RABEPK: variants seen among roughly 807,000 people sequenced by gnomAD.
RABEPK encodes 40 kDa Rab9 effector protein.
Under a neutral mutation model 34.1 loss-of-function variants are expected in RABEPK, and 27 were observed. The ratio of observed to expected loss-of-function variants is 0.79; its 90% CI spans 0.58 to 1.09. The LOEUF (loss-of-function observed/expected upper bound fraction) is 1.09. RABEPK is among the 50% of genes least tolerant of loss of function. The pLI is 0.00. For synonymous variants in RABEPK, 172 were observed against 169.2 expected (o/e 1.02, Z -0.13); for missense variants, 449 against 462.6 (o/e 0.97, Z 0.27).
intron 5 of RABEPK, among the ~76,000 whole-genome samples, chr9:125,224,739 C>T (rs996700716): frequency 1.3e-5 from 2 of 152,126 alleles, no homozygotes; most frequent in African/African-American, 4.8e-5. Flanking sequence ...CAGTCATAAG[C>T]CACTGCGCCC....
chr9:125,232,085 GAC>G, intron 6 of RABEPK, among the ~76,000 whole-genome samples: 1 of 151,790 alleles, frequency 6.6e-6, no homozygotes, highest in South Asian at 2.1e-4. Flanking sequence ...TTTTAGTAGA[GAC>G]GGGGTTTCTC....
intron 5 of RABEPK, among the ~76,000 whole-genome samples, chr9:125,223,725 TAAA>T (rs35661565): frequency 0.6 from 72,018 of 119,076 alleles, 21,109 homozygotes; most frequent in African/African-American, 0.7. Flanking sequence ...ACCCTGACTC[TAAA>T]AAAAAAAAAA....
chr9:125,223,455 C>CA (rs1188924873), intron 5 of RABEPK, among the ~76,000 whole-genome samples: 2 of 151,646 alleles, frequency 1.3e-5, no homozygotes, highest in African/African-American at 2.4e-5. Flanking sequence ...GGCTCTGTCT[C>CA]AAAAAAATAA....
intron 4 of RABEPK, among the ~76,000 whole-genome samples, chr9:125,216,109 A>T (rs189530086): frequency 1.3e-5 from 2 of 152,282 alleles, no homozygotes; most frequent in Non-Finnish European, 2.9e-5. Context: ...CCTGGCCAAC[A>T]TGGTGAAACC....
intron 3 of RABEPK, among the ~76,000 whole-genome samples, chr9:125,210,427 A>T (rs1479387512): frequency 7.2e-6 from 1 of 139,156 alleles, no homozygotes; most frequent in African/African-American, 2.7e-5. Context: ...AAAAAAAAGG[A>T]AATGATTATT....
Position 125,207,735 on chromosome 9 carries a change from C to T in RABEPK, c.211+14C>T, listed in dbSNP as rs1426841327. ...CCATGGATCTGGGTAAGATCAGCAG[C>T]TGCAGAGTACATGCCCTATGGCCAG... is the stretch of plus-strand genomic sequence containing the variant. On this transcript the variant is annotated intron_variant, in intron 3 of 7. Coordinates refer to ENST00000373538, the MANE Select transcript of RABEPK (RefSeq NM_005833.4). 4 of 1,613,874 alleles carry T rather than the reference C, an allele frequency of 2.5e-6. No individual in the cohort carries two copies. Among genetic ancestry groups the T allele is most frequent in the Middle Eastern group, 1.7e-4 (1 of 6,038 alleles).
intron 6 of RABEPK, among the ~76,000 whole-genome samples, chr9:125,231,882 C>T (rs906327365): frequency 6.8e-6 from 1 of 147,722 alleles, no homozygotes; most frequent in African/African-American, 2.5e-5. Flanking sequence ...TACAAAATCG[C>T]TAAGGAACTG....
chr9:125,208,538 TA>T (rs998585131), intron 3 of RABEPK, among the ~76,000 whole-genome samples: 4 of 150,446 alleles, frequency 2.7e-5, no homozygotes, highest in South Asian at 2.1e-4. Flanking sequence ...CATGCCCAGC[TA>T]ATTTTTTTTT....
At chr9:125,229,344 A>G (rs1832016274) in intron 6 of RABEPK, among the ~76,000 whole-genome samples, 2 of 152,130 alleles carry the variant, frequency 1.3e-5, no homozygotes, top group South Asian at 2.1e-4. Context: ...GAGGCAGGAG[A>G]ATCGCTGGAA....
At chr9:125,208,243 T>G (rs1381377035) in intron 3 of RABEPK, among the ~76,000 whole-genome samples, 1 of 152,204 alleles carries the variant, frequency 6.6e-6, no homozygotes, top group Admixed American at 6.6e-5. Flanking sequence ...GAGAGAACCC[T>G]TATGGAGCCC....
At chr9:125,207,294 T>A (rs771066789) in intron 2 of RABEPK, among the ~76,000 whole-genome samples, 2 of 152,060 alleles carry the variant, frequency 1.3e-5, no homozygotes, top group African/African-American at 2.4e-5. Context: ...TGGAGGTCAG[T>A]TTCCCTATCT....
At chr9:125,201,407 CAGA>C (rs1829895484) in intron 1 of RABEPK, among the ~76,000 whole-genome samples, 1 of 152,182 alleles carries the variant, frequency 6.6e-6, no homozygotes, top group South Asian at 2.1e-4. Context: ...AGCTCAACAG[CAGA>C]AGGCCTTACT....
At chr9:125,202,957 T>A (rs1013612497) in intron 1 of RABEPK, 51 bp from the exon 2 acceptor site, 5 of 1,463,390 alleles carry the variant, frequency 3.4e-6, no homozygotes, top group Non-Finnish European at 4.8e-6. Flanking sequence ...TTGAATTGAT[T>A]AAGATGATAA....
At chr9:125,213,588 T>C (rs777628641) in intron 4 of RABEPK, 66 bp downstream of exon 4, 171 of 1,238,200 alleles carry the variant, frequency 1.4e-4, no homozygotes, top group Non-Finnish European at 1.7e-4. Context: ...CACACACACA[T>C]ATATATAAAT....
intron 1 of RABEPK, among the ~76,000 whole-genome samples, 196 bp from the exon 2 acceptor site, chr9:125,202,812 G>A (rs575201213): frequency 7.2e-5 from 11 of 152,034 alleles, no homozygotes; most frequent in African/African-American, 2.7e-4. Flanking sequence ...CCTGGGCAAC[G>A]AGAGCTAAAC....
intron 5 of RABEPK, chr9:125,221,093 G>A (rs1031408018): frequency 1.3e-5 from 2 of 153,656 alleles, no homozygotes; most frequent in African/African-American, 2.4e-5. Flanking sequence ...CCCAGGAGGA[G>A]GAAGTTTCAG....
Position 125,234,123 on chromosome 9 carries a change from T to G in RABEPK, c.*143T>G. On this transcript the variant is annotated 3_prime_UTR_variant, in exon 8 of 8. Coordinates refer to ENST00000373538, the MANE Select transcript of RABEPK (RefSeq NM_005833.4). ...TAGGTGAAGAAACTAATGCAAATAA[T>G]TCTTATGTGCACTAAACCTTGCTAT... The G allele has an allele frequency of 3.4e-6, 3 of 875,870 alleles. No homozygotes were observed. The highest frequency in any genetic ancestry group is 5.3e-6 in the Non-Finnish European group (3 of 565,498). 54.3% of individuals were successfully genotyped at this position (875,870 alleles called of 1,614,324 possible).
chr9:125,230,321 C>G (rs1832077839), intron 6 of RABEPK, among the ~76,000 whole-genome samples: 1 of 152,072 alleles, frequency 6.6e-6, no homozygotes, highest in African/African-American at 2.4e-5. Context: ...TTGCTCCAGA[C>G]TACAAGAACT....
chr9:125,213,986 G>T (rs901849537), intron 4 of RABEPK, among the ~76,000 whole-genome samples: 25 of 152,128 alleles, frequency 1.6e-4, no homozygotes, highest in African/African-American at 6.0e-4. Flanking sequence ...GCTGGGTGTA[G>T]TGGTGGGCGC....
Sources: allele counts gnomAD v4.1 joint callset (sites outside exome capture counted in the v4.1 genomes callset), GRCh38; gene constraint gnomAD v4.1.1; transcripts MANE v1.5; gene names NCBI Gene and HGNC (gene_info 2026-07-23, HGNC 2026-07-21).